Variants in MARCHF1 observed in about 807,000 individuals in gnomAD.
The protein encoded by MARCHF1 is E3 ubiquitin-protein ligase MARCHF1.
MARCHF1 carries 40 observed loss-of-function variants against 54.2 expected under a neutral mutation model. The ratio of observed to expected loss-of-function variants is 0.74; its 90% CI spans 0.57 to 0.96. MARCHF1 has a LOEUF of 0.96. Ranked by LOEUF, MARCHF1 falls within the 40% of genes least tolerant of loss-of-function variation. The probability of loss-of-function intolerance (pLI) is 0.00; values close to 1 mark genes in which losing one functional copy is unlikely to be tolerated. For missense variants in MARCHF1, 586 were observed against 656.5 expected, an observed-to-expected ratio of 0.89 and a Z score of 1.17; for synonymous variants, 236 against 236.3, an observed-to-expected ratio of 1.00 and a Z score of 0.01.
chr4:163,999,863 A>C (rs1228937728), intron 2 of MARCHF1, among the ~76,000 whole-genome samples: 1 of 151,754 alleles, frequency 6.6e-6, no homozygotes, highest in Non-Finnish European at 1.5e-5. Flanking sequence ...TAACTTGCCC[A>C]AGGTCCCACA....
intron 9 of MARCHF1, among the ~76,000 whole-genome samples, chr4:163,534,102 CT>C (rs1480220828): frequency 6.6e-6 from 1 of 152,034 alleles, no homozygotes; most frequent in Non-Finnish European, 1.5e-5. Context: ...TGCTATTCCT[CT>C]GTTTAGAGTG....
intron 1 of MARCHF1, among the ~76,000 whole-genome samples, chr4:164,336,985 A>AAAGG (rs1729757938): frequency 1.3e-5 from 2 of 152,182 alleles, no homozygotes; most frequent in South Asian, 4.2e-4. Flanking sequence ...GAAAAGAAAG[A>AAAGG]AAGGAAGGAA....
chr4:164,280,184 G>T (rs948464554), intron 1 of MARCHF1, among the ~76,000 whole-genome samples: 1 of 151,716 alleles, frequency 6.6e-6, no homozygotes, highest in African/African-American at 2.4e-5. Context: ...TCCTGAAAAG[G>T]ATATATTGTC....
chr4:163,817,296 T>C (rs1428748373), intron 4 of MARCHF1, among the ~76,000 whole-genome samples: 3 of 151,984 alleles, frequency 2.0e-5, no homozygotes, highest in African/African-American at 7.3e-5. Flanking sequence ...TGTATACATA[T>C]ACATACATAC....
intron 3 of MARCHF1, among the ~76,000 whole-genome samples, chr4:163,891,783 T>C (rs979133212): frequency 1.2e-4 from 18 of 152,132 alleles, no homozygotes; most frequent in Admixed American, 7.9e-4. Context: ...AAACAACAAA[T>C]TGACCTGGAC....
intron 2 of MARCHF1, among the ~76,000 whole-genome samples, chr4:164,110,175 C>T (rs1396538107): frequency 6.7e-6 from 1 of 149,294 alleles, no homozygotes; most frequent in Non-Finnish European, 1.5e-5. Flanking sequence ...TAAATGATTA[C>T]TTATTTAACA....
chr4:164,220,639 CT>C (rs1480571136), intron 1 of MARCHF1, among the ~76,000 whole-genome samples: 22 of 136,518 alleles, frequency 1.6e-4, no homozygotes, highest in South Asian at 2.4e-4. Flanking sequence ...AATATATATG[CT>C]ATATATGCAT....
chr4:163,557,361 G>A (rs1035048990), intron 8 of MARCHF1, among the ~76,000 whole-genome samples: 2 of 152,172 alleles, frequency 1.3e-5, no homozygotes, highest in African/African-American at 4.8e-5. Context: ...TCCAAATACT[G>A]TTTTCCTCTA....
At chr4:164,244,491 C>A (rs1429383884) in intron 1 of MARCHF1, among the ~76,000 whole-genome samples, 3 of 143,770 alleles carry the variant, frequency 2.1e-5, no homozygotes. Flanking sequence ...ACTAAATGCC[C>A]ACAAGAGAAA....
chr4:164,095,879 C>T (rs1579528658), intron 2 of MARCHF1, among the ~76,000 whole-genome samples: 1 of 152,034 alleles, frequency 6.6e-6, no homozygotes, highest in South Asian at 2.1e-4. Flanking sequence ...CCATCTCACA[C>T]AGTCAGAATA....
At chr4:163,771,316 T>C (rs1244666824) in intron 4 of MARCHF1, among the ~76,000 whole-genome samples, 1 of 152,230 alleles carries the variant, frequency 6.6e-6, no homozygotes, top group East Asian at 1.9e-4. Flanking sequence ...ATGTCAATAG[T>C]GCTGAGGTTG....
chr4:163,873,185 T>C (rs1254236265), intron 3 of MARCHF1, among the ~76,000 whole-genome samples: 1 of 152,236 alleles, frequency 6.6e-6, no homozygotes, highest in Admixed American at 6.5e-5. Flanking sequence ...TCTCTTTCCA[T>C]TAGACTGGTA....
chr4:164,134,011 A>G (rs958807011), intron 1 of MARCHF1, among the ~76,000 whole-genome samples: 5 of 152,358 alleles, frequency 3.3e-5, no homozygotes, highest in East Asian at 1.9e-4. Context: ...TAGCATAGTA[A>G]CTTATAAGTA....
chr4:164,006,423 G>A (rs1415493515), intron 2 of MARCHF1, among the ~76,000 whole-genome samples: 1 of 151,598 alleles, frequency 6.6e-6, no homozygotes, highest in African/African-American at 2.4e-5. Flanking sequence ...ACAGTCAGAG[G>A]AGAAAAATGA....
At chr4:164,023,409 G>A (rs1357894447) in intron 2 of MARCHF1, among the ~76,000 whole-genome samples, 1 of 152,108 alleles carries the variant, frequency 6.6e-6, no homozygotes, top group East Asian at 1.9e-4. Flanking sequence ...GACCCCCTCT[G>A]CTGGCCATTA....
In MARCHF1 at chr4:163,526,079, A is replaced by ATTTT. The variant is rs1738094015; in HGVS notation, c.*2665_*2668dup. The ATTTT allele has an allele frequency of 6.6e-6, 1 of 152,008 alleles. No individual in the cohort carries two copies. The highest frequency in any genetic ancestry group is 2.4e-5 in the African/African-American group (1 of 41,410). 9.4% of individuals were successfully genotyped at this position (152,008 alleles called of 1,614,324 possible). A position where few individuals can be genotyped will look rare whatever the true frequency, so the allele number is the denominator to read the frequency against. ...ACCTGCCAGGAAGCTATATTATATT[A>ATTTT]TTTTCTCATTTCAACAATGTCCAAG... On this transcript the variant is annotated 3_prime_UTR_variant, in exon 10 of 10. Coordinates refer to ENST00000514618, the MANE Select transcript of MARCHF1 (RefSeq NM_001394959.1).
intron 3 of MARCHF1, among the ~76,000 whole-genome samples, chr4:163,856,538 G>A (rs1179003047): frequency 6.6e-6 from 1 of 152,184 alleles, no homozygotes; most frequent in Non-Finnish European, 1.5e-5. Context: ...TTATATTAAT[G>A]TAGAATCTAT....
At chr4:163,935,860 T>A (rs1751784934) in intron 3 of MARCHF1, among the ~76,000 whole-genome samples, 1 of 152,180 alleles carries the variant, frequency 6.6e-6, no homozygotes, top group South Asian at 2.1e-4. Flanking sequence ...CTTTAAGAAC[T>A]TTACATTTGC....
chr4:164,206,874 ACT>A (rs1235080602), intron 1 of MARCHF1, among the ~76,000 whole-genome samples: 2 of 151,868 alleles, frequency 1.3e-5, no homozygotes, highest in Admixed American at 6.6e-5. Context: ...AAAGGAAAAA[ACT>A]CTGTAAACAG....
Sources: allele counts gnomAD v4.1 joint callset (sites outside exome capture counted in the v4.1 genomes callset), GRCh38; gene constraint gnomAD v4.1.1; transcripts MANE v1.5; gene names NCBI Gene and HGNC (gene_info 2026-07-23, HGNC 2026-07-21).